CRTAP: variants seen among roughly 807,000 people sequenced by gnomAD.
CRTAP encodes cartilage associated protein, also known as cartilage-associated protein.
CRTAP carries 33 observed loss-of-function variants against 42.7 expected under a neutral mutation model. The observed-to-expected ratio is 0.77, with a 90% CI of 0.59 to 1.03. The LOEUF (loss-of-function observed/expected upper bound fraction) is 1.03, where lower values mean the gene tolerates loss of function less well. Among genes scored for constraint, CRTAP ranks in the 50% least tolerant of loss-of-function variants. The pLI is 0.00. For missense variants in CRTAP, 613 were observed against 533.9 expected (o/e 1.15, Z -1.46); for synonymous variants, 243 against 217.7 (o/e 1.12, Z -1.02).
At chr3:33,115,955 A>T (rs966612101) in intron 1 of CRTAP, among the ~76,000 whole-genome samples, 1 of 152,208 alleles carries the variant, frequency 6.6e-6, no homozygotes, top group Non-Finnish European at 1.5e-5. Context: ...AGAAGCAGGG[A>T]ATGAGATTAA....
chr3:33,132,509 G>A, intron 4 of CRTAP, 46 bp from the exon 5 acceptor site: 2 of 1,612,180 alleles, frequency 1.2e-6, no homozygotes, highest in Non-Finnish European at 1.7e-6. Context: ...AAATTATAGG[G>A]TGTGGTTTGC....
intron 1 of CRTAP, among the ~76,000 whole-genome samples, chr3:33,116,008 G>C (rs987463477): frequency 2.6e-5 from 4 of 152,138 alleles, no homozygotes; most frequent in African/African-American, 9.7e-5. Context: ...TTCATACAAA[G>C]CATCATTTTT....
intron 3 of CRTAP, among the ~76,000 whole-genome samples, chr3:33,126,068 T>C (rs2030058379): frequency 6.6e-6 from 1 of 152,228 alleles, no homozygotes; most frequent in South Asian, 2.1e-4. Flanking sequence ...GCACCATCCA[T>C]CTCTAGAACT....
chr3:33,137,400 C>G (rs1046138918), intron 6 of CRTAP, among the ~76,000 whole-genome samples: 5 of 152,226 alleles, frequency 3.3e-5, no homozygotes, highest in Admixed American at 1.3e-4. Context: ...CTCAGCCTCC[C>G]AAAATGCTGG....
intron 2 of CRTAP, among the ~76,000 whole-genome samples, chr3:33,124,087 T>A (rs1434775971): frequency 6.6e-6 from 1 of 152,192 alleles, no homozygotes; most frequent in Admixed American, 6.5e-5. Context: ...CCTTTTGTAG[T>A]CAAGTTTTTG....
chr3:33,141,800 G>C (rs2030578572), intron 6 of CRTAP, among the ~76,000 whole-genome samples: 1 of 152,200 alleles, frequency 6.6e-6, no homozygotes, highest in Non-Finnish European at 1.5e-5. Context: ...GCAGAAGGAG[G>C]GAGCAGGTGA....
chr3:33,116,595 G>C (rs1184536170), intron 1 of CRTAP, among the ~76,000 whole-genome samples: 2 of 152,100 alleles, frequency 1.3e-5, no homozygotes, highest in Non-Finnish European at 2.9e-5. Flanking sequence ...CTAACCTCAA[G>C]TGATCCACCT....
In CRTAP at chr3:33,142,612, G is replaced by A. The variant is rs1315245039; in HGVS notation, c.*164G>A. The A allele has an allele frequency of 3.1e-6, 2 of 636,174 alleles. No homozygotes were observed. The highest frequency in any genetic ancestry group is 5.5e-6 in the Non-Finnish European group (2 of 362,970). The allele number at this position is 636,174 out of a possible 1,614,324, so 39.4% of individuals were successfully genotyped here. On this transcript the variant is annotated 3_prime_UTR_variant, in exon 7 of 7. Transcript: ENST00000320954. Reference sequence around the variant, plus strand: ...ACTGCATGTCATCAGGGGTGAGCCTGCCTTTCCTATCTTCACACCTGCCAC... The same window carrying A: ...ACTGCATGTCATCAGGGGTGAGCCTACCTTTCCTATCTTCACACCTGCCAC...
chr3:33,116,255 G>C (rs1213479874), intron 1 of CRTAP, among the ~76,000 whole-genome samples: 2 of 152,176 alleles, frequency 1.3e-5, no homozygotes, highest in African/African-American at 4.8e-5. Flanking sequence ...CATCATGGTG[G>C]CCCCAAAAGG....
Position 33,114,195 on chromosome 3 carries a change from G to A in CRTAP, c.118G>A (p.Glu40Lys), listed in dbSNP as rs863225043. ...RYSFRSFPRD[E>K]LMPLESAYRH... is the part of the protein sequence containing the mutation. ...CAGCTTCCGCAGCTTCCCACGGGAC[G>A]AGCTGATGCCGCTCGAGTCGGCCTA... The change falls in exon 1 of 7, where the codon GAG becomes AAG. Residue 40 changes from glutamate (E) to lysine (K), a missense_variant. Coordinates refer to ENST00000320954, the MANE Select transcript of CRTAP (RefSeq NM_006371.5). 6.3e-6 allele frequency: 10 copies of A among 1,593,588 alleles called. No individual in the cohort carries two copies. Among genetic ancestry groups the A allele is most frequent in the African/African-American group, 2.7e-5 (2 of 73,628 alleles).
In CRTAP at chr3:33,124,405, C is replaced by G. The variant is rs563594799; in HGVS notation, c.622-3C>G. ...GCTTCACTGGCTTCTCCATGCCTTT[C>G]AGAGCCTGTTCATCCGAGCAGTGCG... On this transcript the variant is annotated splice_region_variant and splice_polypyrimidine_tract_variant and intron_variant, in intron 2 of 6. Transcript: ENST00000320954. 5.6e-6 allele frequency: 9 copies of G among 1,613,898 alleles called. No individual in the cohort carries two copies. In the Admixed American group the frequency reaches 6.7e-5, roughly 12 times the overall value.
intron 1 of CRTAP, among the ~76,000 whole-genome samples, chr3:33,115,719 T>A (rs1243396280): frequency 6.6e-6 from 1 of 152,192 alleles, no homozygotes; most frequent in Admixed American, 6.5e-5. Context: ...GTTTTTGTTT[T>A]TAAACTTTGT....
At chr3:33,128,254 A>G (rs938010320) in intron 3 of CRTAP, among the ~76,000 whole-genome samples, 1 of 152,050 alleles carries the variant, frequency 6.6e-6, no homozygotes, top group Non-Finnish European at 1.5e-5. Context: ...AATTGTCACA[A>G]TAATGTTCTT....
intron 6 of CRTAP, among the ~76,000 whole-genome samples, chr3:33,140,795 G>C (rs1172266762): frequency 6.6e-6 from 1 of 152,228 alleles, no homozygotes; most frequent in African/African-American, 2.4e-5. Flanking sequence ...AGTGCTCTCA[G>C]GTAGGAACGG....
In CRTAP at chr3:33,145,425, T is replaced by G. The variant is rs1434509162; in HGVS notation, c.*2977T>G. 1 of 152,380 alleles carries G rather than the reference T, an allele frequency of 6.6e-6. No individual in the cohort carries two copies. Among genetic ancestry groups the G allele is most frequent in the Non-Finnish European group, 1.5e-5 (1 of 68,086 alleles). 9.4% of individuals were successfully genotyped at this position (152,380 alleles called of 1,614,324 possible). A position where few individuals can be genotyped will look rare whatever the true frequency, so the allele number is the denominator to read the frequency against. Reference sequence around the variant, plus strand: ...ATGCGTCAGATCTTACGTGGCTTCCTGCTGGGGGAGATGGCCTTCACCCAC... The same window carrying G: ...ATGCGTCAGATCTTACGTGGCTTCCGGCTGGGGGAGATGGCCTTCACCCAC... On this transcript the variant is annotated 3_prime_UTR_variant, in exon 7 of 7. Coordinates refer to ENST00000320954, the MANE Select transcript of CRTAP (RefSeq NM_006371.5). The surrounding 1 kb of genome is among the most constrained non-coding windows in gnomAD (Gnocchi z 4.3).
At position 33,144,075 on chromosome 3, in the gene CRTAP, A is replaced by C. The variant is rs1005993596; in HGVS notation, c.*1627A>C. 1 of 152,306 alleles carries C rather than the reference A, an allele frequency of 6.6e-6. No individual in the cohort carries two copies. The highest frequency in any genetic ancestry group is 2.4e-5 in the African/African-American group (1 of 41,470). The allele number at this position is 152,306 out of a possible 1,614,324, so 9.4% of individuals were successfully genotyped here. A position where few individuals can be genotyped will look rare whatever the true frequency, so the allele number is the denominator to read the frequency against. On this transcript the variant is annotated 3_prime_UTR_variant, in exon 7 of 7. Transcript: ENST00000320954. ...TGGACAAGGGCAGAAGGAAGAGGGA[A>C]GACCTGTTAGGAAGCTACTGCAAGG...
At position 33,142,813 on chromosome 3, in the gene CRTAP, C is replaced by G; in HGVS notation, c.*365C>G. On this transcript the variant is annotated 3_prime_UTR_variant, in exon 7 of 7. Coordinates refer to ENST00000320954, the MANE Select transcript of CRTAP (RefSeq NM_006371.5). ...GGGATTACAGGCATGTGCCACCACG[C>G]CCGGCTAATTTTGTATTTTTAGTAG... The G allele has an allele frequency of 4.2e-6, 1 of 235,696 alleles. No homozygotes were observed. The highest frequency in any genetic ancestry group is 8.5e-6 in the Non-Finnish European group (1 of 117,224). The allele number at this position is 235,696 out of a possible 1,614,324, so 14.6% of individuals were successfully genotyped here.
At chr3:33,135,399 A>G (rs2030391165) in intron 6 of CRTAP, among the ~76,000 whole-genome samples, 2 of 152,184 alleles carry the variant, frequency 1.3e-5, no homozygotes. Flanking sequence ...AGGCCAAAGC[A>G]GGTGATTGCT....
chr3:33,141,342 T>C (rs2030565366), intron 6 of CRTAP, among the ~76,000 whole-genome samples: 2 of 152,250 alleles, frequency 1.3e-5, no homozygotes, highest in Admixed American at 1.3e-4. Context: ...TTTTGGGGTC[T>C]AGAAAGCAAC....
Sources: allele counts gnomAD v4.1 joint callset (sites outside exome capture counted in the v4.1 genomes callset), GRCh38; gene constraint gnomAD v4.1.1; non-coding constraint Gnocchi (gnomAD v3.1); transcripts MANE v1.5; gene names NCBI Gene and HGNC (gene_info 2026-07-23, HGNC 2026-07-21).